Variants in PITPNM2 observed in about 807,000 individuals in gnomAD.
PITPNM2 encodes the protein phosphatidylinositol transfer protein membrane associated 2, also known as membrane-associated phosphatidylinositol transfer protein 2.
PITPNM2 carries 35 observed loss-of-function variants against 132.2 expected under a neutral mutation model. The observed-to-expected ratio is 0.26, with a 90% CI of 0.20 to 0.35. The LOEUF is 0.35. PITPNM2 is among the 10% of genes least tolerant of loss of function. The pLI is 1.00. For missense variants in PITPNM2, 1,332 were observed against 1,912.0 expected (o/e 0.70, Z 5.66); for synonymous variants, 738 against 799.2 (o/e 0.92, Z 1.29).
intron 3 of PITPNM2, among the ~76,000 whole-genome samples, chr12:123,032,947 A>AC (rs2040145122): frequency 6.6e-6 from 1 of 152,082 alleles, no homozygotes; most frequent in Non-Finnish European, 1.5e-5. Flanking sequence ...GCCTGGACAA[A>AC]CCCTTGCAGC....
intron 3 of PITPNM2, among the ~76,000 whole-genome samples, chr12:123,018,195 G>C (rs1363667288): frequency 1.3e-5 from 2 of 151,392 alleles, no homozygotes; most frequent in Admixed American, 6.6e-5. Context: ...TCAACCACCT[G>C]AGTAGCTGAG....
intron 2 of PITPNM2, among the ~76,000 whole-genome samples, chr12:123,059,156 A>T (rs964921032): frequency 1.3e-5 from 2 of 152,206 alleles, no homozygotes; most frequent in Non-Finnish European, 1.5e-5. Context: ...CAGGCTGAAG[A>T]GCCCATGTGT....
intron 2 of PITPNM2, among the ~76,000 whole-genome samples, chr12:123,042,284 G>A (rs944817060): frequency 6.6e-6 from 1 of 152,114 alleles, no homozygotes; most frequent in African/African-American, 2.4e-5. Flanking sequence ...CCAGGCTGGA[G>A]GCATGTGATG....
rs148811929 is a variant in PITPNM2, at chr12:123,031,717, C to T, written c.78+2796G>A. On this transcript the variant is annotated intron_variant, in intron 3 of 25. Transcript: ENST00000320201. The surrounding 1 kb of genome is among the most constrained non-coding windows in gnomAD (Gnocchi z 4.5). Reference sequence around the variant, plus strand: ...CTGAGCAGGAACACCAACAGCCTTGCCCCCAATCTCCCCTCCAAGCATGCT... The same window carrying T: ...CTGAGCAGGAACACCAACAGCCTTGTCCCCAATCTCCCCTCCAAGCATGCT... Among the ~76,000 whole-genome samples the T allele has an allele frequency of 6.2e-4, 94 of 152,328 alleles. No homozygotes were observed. The highest frequency in any genetic ancestry group is 2.0e-3 in the African/African-American group (84 of 41,572).
intron 1 of PITPNM2, among the ~76,000 whole-genome samples, chr12:123,119,858 G>A (rs984542136): frequency 1.3e-5 from 2 of 148,316 alleles, no homozygotes; most frequent in Admixed American, 6.8e-5. Flanking sequence ...CTTAATTTTA[G>A]TAAGCAAGAA....
At position 123,150,387 on chromosome 12, in the gene PITPNM2, C is replaced by G. The variant is rs2137756212; in HGVS notation, c.-200+366G>C. Among the ~76,000 whole-genome samples the G allele has an allele frequency of 6.6e-6, 1 of 152,140 alleles. No homozygotes were observed. Among genetic ancestry groups the G allele is most frequent in the East Asian group, 1.9e-4 (1 of 5,134 alleles). On this transcript the variant is annotated intron_variant, in intron 1 of 25. Coordinates refer to ENST00000320201, the MANE Select transcript of PITPNM2 (RefSeq NM_020845.3). The surrounding 1 kb of genome is among the most constrained non-coding windows in gnomAD (Gnocchi z 6.0). ...CGCTTCCTCCCGATAGCCCCTTCCTCGCCCTGGCACCGGCACTGCCCACGC... is the reference window on the plus strand; with the variant it reads ...CGCTTCCTCCCGATAGCCCCTTCCTGGCCCTGGCACCGGCACTGCCCACGC...
At position 122,985,945 on chromosome 12, in the gene PITPNM2, C is replaced by T. The variant is rs952208196; in HGVS notation, c.*82G>A. On this transcript the variant is annotated 3_prime_UTR_variant, in exon 26 of 26. Coordinates refer to ENST00000320201, the MANE Select transcript of PITPNM2 (RefSeq NM_020845.3). ...ACAATCTCCCAGGCCCACGTCAGTGCGTGTGCCCAGGCCAGGCCTCCTGGC... is the reference window on the plus strand; with the variant it reads ...ACAATCTCCCAGGCCCACGTCAGTGTGTGTGCCCAGGCCAGGCCTCCTGGC... The T allele has an allele frequency of 7.0e-5, 87 of 1,249,898 alleles. No homozygotes were observed. In the African/African-American group the frequency reaches 7.2e-4, roughly 10 times the overall value. The allele number at this position is 1,249,898 out of a possible 1,614,324, so 77.4% of individuals were successfully genotyped here.
chr12:123,052,077 G>GTTTTTTTTTTTTTT (rs10606016), intron 2 of PITPNM2, among the ~76,000 whole-genome samples: 31 of 100,604 alleles, frequency 3.1e-4, no homozygotes, highest in South Asian at 3.6e-4. Flanking sequence ...TAATTTTATT[G>GTTTTTTTTTTTTTT]TTTTTTTTTT....
intron 2 of PITPNM2, among the ~76,000 whole-genome samples, chr12:123,038,761 T>C (rs2040363794): frequency 6.6e-6 from 1 of 150,696 alleles, no homozygotes; most frequent in Non-Finnish European, 1.5e-5. Context: ...TGGGGCTCTC[T>C]GAAGCATGAG....
At chr12:123,068,267 A>G (rs1430452729) in intron 2 of PITPNM2, among the ~76,000 whole-genome samples, 6 of 152,086 alleles carry the variant, frequency 3.9e-5, no homozygotes, top group African/African-American at 1.4e-4. Context: ...GGAGATCGAG[A>G]ACATCCTGGC....
At chr12:123,127,920 C>A (rs1253892512) in intron 1 of PITPNM2, among the ~76,000 whole-genome samples, 3 of 151,980 alleles carry the variant, frequency 2.0e-5, no homozygotes, top group African/African-American at 7.2e-5. Context: ...GCCTCTTTTT[C>A]CTAGCCTGTT....
chr12:123,101,725 T>A (rs961314257), intron 2 of PITPNM2, among the ~76,000 whole-genome samples: 1 of 152,108 alleles, frequency 6.6e-6, no homozygotes, highest in African/African-American at 2.4e-5. Context: ...GGACAAACCA[T>A]CAAGTTCCCT....
rs1381990754 is a variant in PITPNM2 at position 123,083,249 on chromosome 12, G to A, written c.-96+27136C>T. 6.6e-6 allele frequency: 1 copy of A among 152,224 alleles called. No homozygotes were observed. The highest frequency in any genetic ancestry group is 1.5e-5 in the Non-Finnish European group (1 of 68,042). 9.4% of individuals were successfully genotyped at this position (152,224 alleles called of 1,614,324 possible). Reference sequence around the variant, plus strand: ...TCTCCTACTAGAATGGAGTCTCTACGAGGGCAGGGATGTTGGTTGGCTGTA... The same window carrying A: ...TCTCCTACTAGAATGGAGTCTCTACAAGGGCAGGGATGTTGGTTGGCTGTA... On this transcript the variant is annotated intron_variant, in intron 2 of 25. Transcript: ENST00000320201. The surrounding 1 kb of genome is among the most constrained non-coding windows in gnomAD (Gnocchi z 4.5).
chr12:122,991,135 G>A (rs2038169079), intron 16 of PITPNM2, among the ~76,000 whole-genome samples: 1 of 152,212 alleles, frequency 6.6e-6, no homozygotes, highest in Non-Finnish European at 1.5e-5. Context: ...TGGCTTCCTG[G>A]GGATGCCCTG....
chr12:123,031,971 C>G lies in PITPNM2; in HGVS notation c.78+2542G>C, dbSNP rs1042780322. Among the ~76,000 whole-genome samples, 1 of 152,138 alleles carries G rather than the reference C, an allele frequency of 6.6e-6. No individual in the cohort carries two copies. The highest frequency in any genetic ancestry group is 2.4e-5 in the African/African-American group (1 of 41,430). On this transcript the variant is annotated intron_variant, in intron 3 of 25. Coordinates refer to ENST00000320201, the MANE Select transcript of PITPNM2 (RefSeq NM_020845.3). The surrounding 1 kb of genome is among the most constrained non-coding windows in gnomAD (Gnocchi z 4.5). ...CTGTCCAACAAGCTCTCACGAAGGGCCCTGAGAGTGCTGATGCTCACGATC... is the reference window on the plus strand; with the variant it reads ...CTGTCCAACAAGCTCTCACGAAGGGGCCTGAGAGTGCTGATGCTCACGATC...
chr12:122,988,879 G>C lies in PITPNM2; in HGVS notation c.2732-7C>G. On this transcript the variant is annotated splice_polypyrimidine_tract_variant and splice_region_variant and intron_variant, in intron 18 of 25. Transcript: ENST00000320201. ...CCCCACCACTTTGCAGCGACTGCCA[G>C]GAGGGGCCGTGACTGGGCTGGGGCT... is the stretch of plus-strand genomic sequence containing the variant. 1 of 1,555,290 alleles carries C rather than the reference G, an allele frequency of 6.4e-7. No homozygotes were observed. The highest frequency in any genetic ancestry group is 8.7e-7 in the Non-Finnish European group (1 of 1,148,648).
In PITPNM2 at chr12:123,104,456, C is replaced by T. The variant is rs186587798; in HGVS notation, c.-96+5929G>A. Among the ~76,000 whole-genome samples the T allele has an allele frequency of 3.3e-4, 51 of 152,360 alleles. No individual in the cohort carries two copies. The East Asian group carries it at 7.9e-3, about 24-fold the overall frequency. ...TCCACCACAAAAGAAGTATAAATGG[C>T]CGGTCCTTGCCTTAACTGATGACAT... On this transcript the variant is annotated intron_variant, in intron 2 of 25. Transcript: ENST00000320201.
chr12:123,130,717 T>C (rs1013840500), intron 1 of PITPNM2, among the ~76,000 whole-genome samples: 6 of 152,024 alleles, frequency 3.9e-5, no homozygotes, highest in African/African-American at 7.2e-5. Context: ...GAGGCGGAGC[T>C]TGCAATGAGG....
At chr12:123,071,445 C>T (rs1394100921) in intron 2 of PITPNM2, among the ~76,000 whole-genome samples, 1 of 152,226 alleles carries the variant, frequency 6.6e-6, no homozygotes, top group Non-Finnish European at 1.5e-5. Context: ...AACTCTGCTG[C>T]CCACCTTCCC....
Sources: allele counts gnomAD v4.1 joint callset (sites outside exome capture counted in the v4.1 genomes callset), GRCh38; gene constraint gnomAD v4.1.1; non-coding constraint Gnocchi (gnomAD v3.1); transcripts MANE v1.5; gene names NCBI Gene and HGNC (gene_info 2026-07-23, HGNC 2026-07-21).